CHD5: variants seen among roughly 807,000 people sequenced by gnomAD.
CHD5 encodes the protein ATP-dependent chromatin remodeler CHD5.
A neutral mutation model predicts 230.3 loss-of-function variants in CHD5; 69 were observed. The ratio of observed to expected loss-of-function variants is 0.30; its 90% CI spans 0.25 to 0.37. The LOEUF is 0.37. CHD5 is among the 10% of genes least tolerant of loss of function. The pLI, the probability that CHD5 is intolerant of heterozygous loss-of-function variation, is 1.00. For synonymous variants in CHD5, 1,064 were observed against 1,065.9 expected (o/e 1.00, Z 0.03); for missense variants, 1,827 against 2,622.8 (o/e 0.70, Z 6.63).
rs945207143 is a variant in CHD5, at chr1:6,118,669, T to C, written c.4912+2436A>G. Among the ~76,000 whole-genome samples the C allele has an allele frequency of 1.1e-4, 17 of 152,006 alleles. No homozygotes were observed. The East Asian group carries it at 3.3e-3, about 29-fold the overall frequency. The stretch of plus-strand genomic sequence containing the variant: ...ATGGTGATGGTTGCACAACTCTGGA[T>C]GTACTAAAAATAACAAATGGTATAC... On this transcript the variant is annotated intron_variant, in intron 33 of 41. Coordinates refer to ENST00000262450, the MANE Select transcript of CHD5 (RefSeq NM_015557.3).
At chr1:6,107,884 G>C (rs1169966638) in intron 38 of CHD5, among the ~76,000 whole-genome samples, 1 of 144,898 alleles carries the variant, frequency 6.9e-6, no homozygotes, top group Admixed American at 6.8e-5. Flanking sequence ...AGGGATGGAG[G>C]GGTGGAAGGA....
chr1:6,173,211 T>G lies in CHD5; in HGVS notation c.80-4934A>C, dbSNP rs528652730. 6.6e-3 allele frequency among the ~76,000 whole-genome samples: 990 copies of G among 150,922 alleles called. 11 individuals carry two copies. The highest frequency in any genetic ancestry group is 0.023 in the African/African-American group (940 of 41,084). ...GCTCCGCCTCCCAGGTTCACGCCAT[T>G]CTCCTGCCTCAGCCTCCCAAGTAGC... On this transcript the variant is annotated intron_variant, in intron 1 of 41. Coordinates refer to ENST00000262450, the MANE Select transcript of CHD5 (RefSeq NM_015557.3).
chr1:6,149,240 G>T lies in CHD5; in HGVS notation c.1161+6C>A, dbSNP rs762667804. 8 of 1,599,492 alleles carry T rather than the reference G, an allele frequency of 5.0e-6. No individual in the cohort carries two copies. The highest frequency in any genetic ancestry group is 3.4e-5 in the Admixed American group (2 of 58,946). On this transcript the variant is annotated splice_donor_region_variant and intron_variant, in intron 8 of 41. Coordinates refer to ENST00000262450, the MANE Select transcript of CHD5 (RefSeq NM_015557.3). ...GCCCCCAGCCCGGGGCTCTGCCAAG[G>T]CTTACACAGTGGGGGCAGCTCCACT...
At chr1:6,111,555 G>T (rs1007501990) in intron 36 of CHD5, among the ~76,000 whole-genome samples, 6 of 151,586 alleles carry the variant, frequency 4.0e-5, no homozygotes, top group African/African-American at 1.2e-4. Context: ...AAAAAAGAGA[G>T]AGCAATGTGG....
chr1:6,144,261 T>A (rs1666876397), intron 11 of CHD5, 106 bp from the exon 12 acceptor site: 1 of 1,492,206 alleles, frequency 6.7e-7, no homozygotes, highest in Non-Finnish European at 9.1e-7. Context: ...CAGGGTCCCC[T>A]CGGATGCTGG....
intron 37 of CHD5, 68 bp from the exon 38 acceptor site, chr1:6,110,058 G>T: frequency 7.4e-7 from 1 of 1,349,300 alleles, no homozygotes; most frequent in Non-Finnish European, 9.9e-7. Flanking sequence ...CTCCACCAGC[G>T]CCCACCCCAG....
intron 1 of CHD5, among the ~76,000 whole-genome samples, chr1:6,179,140 TGA>T (rs1030956346): frequency 6.6e-6 from 1 of 152,062 alleles, no homozygotes; most frequent in African/African-American, 2.4e-5. Context: ...TACTAAATTC[TGA>T]GAGAGATAAA....
chr1:6,127,612 G>A (rs889739587), intron 25 of CHD5, among the ~76,000 whole-genome samples: 3 of 152,208 alleles, frequency 2.0e-5, no homozygotes, highest in East Asian at 1.9e-4. Context: ...ACCAGACCCC[G>A]GGGACAGGGC....
chr1:6,150,688 G>A (rs534159219), intron 7 of CHD5, among the ~76,000 whole-genome samples: 3 of 152,208 alleles, frequency 2.0e-5, no homozygotes, highest in Admixed American at 1.3e-4. Flanking sequence ...TTAAGTGGGT[G>A]GGGGGTGACT....
chr1:6,137,224 C>T (rs1666760146), intron 15 of CHD5, among the ~76,000 whole-genome samples: 1 of 152,220 alleles, frequency 6.6e-6, no homozygotes. Context: ...CCTCCCATCT[C>T]AGCCTCCCGA....
At chr1:6,133,926 C>G (rs554566865) in intron 20 of CHD5, among the ~76,000 whole-genome samples, 1 of 152,302 alleles carries the variant, frequency 6.6e-6, no homozygotes, top group African/African-American at 2.4e-5. Context: ...AGATGTTGCT[C>G]TTTATGGCAA....
chr1:6,154,826 C>G lies in CHD5; in HGVS notation c.579G>C (p.Arg193=), dbSNP rs147400011. ...KMMTVLGAKW[R]EFSANNPFKG... ...TGAAGGGGTTGTTGGCGCTGAACTC[C>G]CGCCACTTGGCACCCAGGACGGTCA... Residue 193 remains arginine, a synonymous_variant, in exon 5 of 42, where the codon CGG becomes CGC. Transcript: ENST00000262450. The surrounding 1 kb of genome is among the most constrained non-coding windows in gnomAD (Gnocchi z 7.0). The G allele has an allele frequency of 9.0e-4, 1,450 of 1,613,920 alleles. 2 individuals carry two copies. Among genetic ancestry groups the G allele is most frequent in the Non-Finnish European group, 1.2e-3 (1,397 of 1,179,998 alleles).
At chr1:6,168,536 A>T (rs1473564677) in intron 1 of CHD5, among the ~76,000 whole-genome samples, 1 of 152,246 alleles carries the variant, frequency 6.6e-6, no homozygotes, top group Non-Finnish European at 1.5e-5. Context: ...CCTGCCCCTG[A>T]TAAGACAGTG....
At chr1:6,174,689 G>A (rs116579035) in intron 1 of CHD5, among the ~76,000 whole-genome samples, 3,339 of 151,634 alleles carry the variant, frequency 0.022, 129 homozygotes, top group African/African-American at 0.077. Context: ...GATGGATGGT[G>A]GATGGGTGGA....
chr1:6,144,734 C>T (rs56186436), intron 11 of CHD5, among the ~76,000 whole-genome samples: 1 of 152,172 alleles, frequency 6.6e-6, no homozygotes, highest in Non-Finnish European at 1.5e-5. Context: ...CCCACCCAGG[C>T]TAAGGCAACC....
At chr1:6,165,211 G>A (rs902381873) in intron 2 of CHD5, among the ~76,000 whole-genome samples, 7 of 152,044 alleles carry the variant, frequency 4.6e-5, no homozygotes, top group African/African-American at 7.2e-5. Context: ...CCCAGGCCTC[G>A]CCCCTGTCCA....
intron 15 of CHD5, among the ~76,000 whole-genome samples, chr1:6,140,560 T>C (rs568168708): frequency 6.6e-6 from 1 of 152,266 alleles, no homozygotes; most frequent in East Asian, 1.9e-4. Context: ...GTGTGTCTGT[T>C]AACTCCATTT....
intron 2 of CHD5, among the ~76,000 whole-genome samples, chr1:6,165,210 C>T (rs1395499908): frequency 1.3e-5 from 2 of 152,130 alleles, no homozygotes; most frequent in Non-Finnish European, 2.9e-5. Flanking sequence ...CCCCAGGCCT[C>T]GCCCCTGTCC....
intron 15 of CHD5, among the ~76,000 whole-genome samples, chr1:6,137,657 G>A (rs1666766331): frequency 6.6e-6 from 1 of 152,168 alleles, no homozygotes; most frequent in Non-Finnish European, 1.5e-5. Flanking sequence ...AAAGCTCAGG[G>A]GGCCTCAGGC....
Sources: gnomAD v4.1 joint callset for allele counts (sites outside exome capture counted in the v4.1 genomes callset) on GRCh38, gnomAD v4.1.1 for gene constraint, Gnocchi (gnomAD v3.1) non-coding constraint, MANE v1.5 for transcripts, NCBI Gene and HGNC (gene_info 2026-07-23, HGNC 2026-07-21) for gene names.